KCNQ1: variants seen among roughly 807,000 people sequenced by gnomAD.
KCNQ1 encodes the protein potassium voltage-gated channel subfamily Q member 1.
A neutral mutation model predicts 72.4 loss-of-function variants in KCNQ1; 49 were observed. That is an observed-to-expected ratio of 0.68 (90% CI 0.54 to 0.86). The LOEUF is 0.86. KCNQ1 is among the 40% of genes least tolerant of loss of function. KCNQ1 has a pLI of 0.00. For missense variants in KCNQ1, 790 were observed against 945.1 expected, an observed-to-expected ratio of 0.84 and a Z score of 2.15; for synonymous variants, 450 against 412.6, an observed-to-expected ratio of 1.09 and a Z score of -1.10.
At position 2,617,866 on chromosome 11, in the gene KCNQ1, T is replaced by C. The variant is rs1295518131; in HGVS notation, c.1393+29012T>C. On this transcript the variant is annotated intron_variant, in intron 10 of 15. Coordinates refer to ENST00000155840, the MANE Select transcript of KCNQ1 (RefSeq NM_000218.3). The surrounding 1 kb of genome is among the most constrained non-coding windows in gnomAD (Gnocchi z 4.6). ...AATGTCTACTCAGTTCCACTGCCCA[T>C]TTTTTAATTGGGTTATCTATTTTCT... 2.5e-6 allele frequency: 1 copy of C among 398,476 alleles called. No individual in the cohort carries two copies. The highest frequency in any genetic ancestry group is 4.4e-6 in the Non-Finnish European group (1 of 226,042). The allele number at this position is 398,476 out of a possible 1,614,324, so 24.7% of individuals were successfully genotyped here.
In KCNQ1 at chr11:2,492,220, T is replaced by TA. The variant is rs1846847429; in HGVS notation, c.387-35708_387-35707insA. Among the ~76,000 whole-genome samples, 1 of 152,104 alleles carries TA rather than the reference T, an allele frequency of 6.6e-6. No individual in the cohort carries two copies. Among genetic ancestry groups the TA allele is most frequent in the South Asian group, 2.1e-4 (1 of 4,824 alleles). On this transcript the variant is annotated intron_variant, in intron 1 of 15. Transcript: ENST00000155840. The surrounding 1 kb of genome is among the most constrained non-coding windows in gnomAD (Gnocchi z 4.1). Reference sequence around the variant, plus strand: ...TTATGGTGTGTAAACTACTCATATATTAAGTAGAAGGATGAAAAGAAGAAC... The same window carrying TA: ...TTATGGTGTGTAAACTACTCATATATATAAGTAGAAGGATGAAAAGAAGAAC...
At chr11:2,449,143 C>G (rs1249049676) in intron 1 of KCNQ1, among the ~76,000 whole-genome samples, 1 of 152,212 alleles carries the variant, frequency 6.6e-6, no homozygotes, top group African/African-American at 2.4e-5. Flanking sequence ...CCTGGGCCTT[C>G]TGAGTCTGCG....
chr11:2,655,747 A>C, intron 10 of KCNQ1: 1 of 383,616 alleles, frequency 2.6e-6, no homozygotes, highest in Non-Finnish European at 4.6e-6. Context: ...AGGTGAAAAC[A>C]GGGAAGAGGT....
In KCNQ1 at chr11:2,775,870, C is replaced by T; in HGVS notation, c.1591-90C>T. ...CGAGCTCCCAGGTCTTCACAAGCCT[C>T]CCGAGGGCAGACACTGTCACTGCCT... On this transcript the variant is annotated intron_variant, in intron 12 of 15. Transcript: ENST00000155840. The T allele has an allele frequency of 3.8e-6, 5 of 1,304,390 alleles. No homozygotes were observed. In the South Asian group the frequency reaches 6.3e-5, roughly 16 times the overall value. The allele number at this position is 1,304,390 out of a possible 1,614,324, so 80.8% of individuals were successfully genotyped here.
rs370026950 is a variant in KCNQ1 at position 2,820,945 on chromosome 11, C to A, written c.1795-26822C>A. On this transcript the variant is annotated intron_variant, in intron 15 of 15. Transcript: ENST00000155840. ...CCCCACCTCCATTGCTGCTCACCCT[C>A]CCCTGGCCCGTGCTGGGCCTCGGCC... Among the ~76,000 whole-genome samples, 27 of 152,382 alleles carry A rather than the reference C, an allele frequency of 1.8e-4. No homozygotes were observed. In the East Asian group the frequency reaches 2.9e-3, roughly 16 times the overall value.
chr11:2,733,582 G>C (rs1845887683), intron 11 of KCNQ1, among the ~76,000 whole-genome samples: 1 of 152,036 alleles, frequency 6.6e-6, no homozygotes, highest in Admixed American at 6.5e-5. Context: ...GGTTGCTGCT[G>C]GCAGCTCCTA....
rs953337026 is a variant in KCNQ1 at position 2,685,115 on chromosome 11, G to C, written c.1514+23034G>C. On this transcript the variant is annotated intron_variant, in intron 11 of 15. Transcript: ENST00000155840. ...GGAAGGGGCCCTTTTGGCACGGGGGGTCTGATGGTCAGAGCTAATCAGGTG... is the reference window on the plus strand; with the variant it reads ...GGAAGGGGCCCTTTTGGCACGGGGGCTCTGATGGTCAGAGCTAATCAGGTG... 1.0e-5 allele frequency: 4 copies of C among 398,534 alleles called. No individual in the cohort carries two copies. In the Admixed American group the frequency reaches 1.8e-4, roughly 18 times the overall value. 24.7% of individuals were successfully genotyped at this position (398,534 alleles called of 1,614,324 possible). A position where few individuals can be genotyped will look rare whatever the true frequency, so the allele number is the denominator to read the frequency against.
intron 1 of KCNQ1, among the ~76,000 whole-genome samples, chr11:2,476,004 A>G (rs1846563707): frequency 6.6e-6 from 1 of 152,260 alleles, no homozygotes; most frequent in Admixed American, 6.5e-5. Flanking sequence ...ACTAATACTG[A>G]CAATAAATTA....
chr11:2,477,757 A>T lies in KCNQ1; in HGVS notation c.386+32273A>T, dbSNP rs1371404131. Among the ~76,000 whole-genome samples, 1 of 151,846 alleles carries T rather than the reference A, an allele frequency of 6.6e-6. No homozygotes were observed. The highest frequency in any genetic ancestry group is 2.4e-5 in the African/African-American group (1 of 41,312). On this transcript the variant is annotated intron_variant, in intron 1 of 15. Coordinates refer to ENST00000155840, the MANE Select transcript of KCNQ1 (RefSeq NM_000218.3). This position sits in a 1 kb window ranked among gnomAD's most constrained non-coding sequence, Gnocchi z 5.0. Reference sequence around the variant, plus strand: ...ATTAAAAAAAAAAAAAAGACCATACATACACACATGCACACACAACAGTGG... The same window carrying T: ...ATTAAAAAAAAAAAAAAGACCATACTTACACACATGCACACACAACAGTGG...
At chr11:2,622,965 A>G in intron 10 of KCNQ1, 2 of 398,598 alleles carry the variant, frequency 5.0e-6, no homozygotes, top group Non-Finnish European at 8.8e-6. Context: ...TAACATGTTG[A>G]TATGGTTTGG....
At chr11:2,792,621 C>T (rs1411726236) in intron 15 of KCNQ1, among the ~76,000 whole-genome samples, 2 of 151,784 alleles carry the variant, frequency 1.3e-5, no homozygotes, top group African/African-American at 4.8e-5. Flanking sequence ...GCGTTCTGGG[C>T]GGAGGGCACA....
rs190543636 is a variant in KCNQ1 at position 2,550,144 on chromosome 11, C to A, written c.478-20484C>A. ...GTTGTCTGTAGAGAACCAGAGCTGCCGAGCCCCGGCCTGGATGGACATCCC... is the reference window on the plus strand; with the variant it reads ...GTTGTCTGTAGAGAACCAGAGCTGCAGAGCCCCGGCCTGGATGGACATCCC... On this transcript the variant is annotated intron_variant, in intron 2 of 15. Coordinates refer to ENST00000155840, the MANE Select transcript of KCNQ1 (RefSeq NM_000218.3). The surrounding 1 kb of genome is among the most constrained non-coding windows in gnomAD (Gnocchi z 6.0). Among the ~76,000 whole-genome samples, 9 of 152,310 alleles carry A rather than the reference C, an allele frequency of 5.9e-5. No homozygotes were observed. The East Asian group carries it at 1.7e-3, about 29-fold the overall frequency.
chr11:2,679,590 C>G lies in KCNQ1; in HGVS notation c.1514+17509C>G. 1 of 398,602 alleles carries G rather than the reference C, an allele frequency of 2.5e-6. No individual in the cohort carries two copies. The allele number at this position is 398,602 out of a possible 1,614,324, so 24.7% of individuals were successfully genotyped here. ...ATGCAATTCACAGTGCCTGACAAAGCTGATGGGGAGGCGAGTTGGAATGAA... is the reference window on the plus strand; with the variant it reads ...ATGCAATTCACAGTGCCTGACAAAGGTGATGGGGAGGCGAGTTGGAATGAA... On this transcript the variant is annotated intron_variant, in intron 11 of 15. Transcript: ENST00000155840. This position sits in a 1 kb window ranked among gnomAD's most constrained non-coding sequence, Gnocchi z 4.8.
chr11:2,707,156 AG>A (rs1850924831), intron 11 of KCNQ1, among the ~76,000 whole-genome samples: 1 of 152,002 alleles, frequency 6.6e-6, no homozygotes, highest in Admixed American at 6.6e-5. Context: ...GCCACAGAGA[AG>A]GGGGAGCAGG....
chr11:2,639,440 C>G (rs1475400690), intron 10 of KCNQ1: 1 of 152,248 alleles, frequency 6.6e-6, no homozygotes, highest in Non-Finnish European at 1.5e-5. Flanking sequence ...AGTCAGGACC[C>G]TCAGCTGCAG....
rs1849176437 is a variant in KCNQ1, at chr11:2,621,779, T to G, written c.1393+32925T>G. The G allele has an allele frequency of 2.5e-6, 1 of 398,396 alleles. No individual in the cohort carries two copies. The highest frequency in any genetic ancestry group is 3.6e-5 in the East Asian group (1 of 27,998). 24.7% of individuals were successfully genotyped at this position (398,396 alleles called of 1,614,324 possible). A position where few individuals can be genotyped will look rare whatever the true frequency, so the allele number is the denominator to read the frequency against. ...TGTCCTCTTTCTTAGTCCAAGAGTTTGTTGATTTTATTTTTCAAAAATCAA... is the reference window on the plus strand; with the variant it reads ...TGTCCTCTTTCTTAGTCCAAGAGTTGGTTGATTTTATTTTTCAAAAATCAA... On this transcript the variant is annotated intron_variant, in intron 10 of 15. Coordinates refer to ENST00000155840, the MANE Select transcript of KCNQ1 (RefSeq NM_000218.3). The surrounding 1 kb of genome is among the most constrained non-coding windows in gnomAD (Gnocchi z 5.7).
At chr11:2,633,920 C>G in intron 10 of KCNQ1, 3 of 398,544 alleles carry the variant, frequency 7.5e-6, no homozygotes, top group Non-Finnish European at 1.3e-5. Flanking sequence ...TGCATTCTAT[C>G]CTTGTTAGAT....
In KCNQ1 at chr11:2,715,800, C is replaced by T. The variant is rs547080949; in HGVS notation, c.1515-53044C>T. On this transcript the variant is annotated intron_variant, in intron 11 of 15. Transcript: ENST00000155840. This position sits in a 1 kb window ranked among gnomAD's most constrained non-coding sequence, Gnocchi z 4.9. Reference sequence around the variant, plus strand: ...GGGTTGACCAGCTGGAGCAGCCCCGCATCCCACATCCCCGCAGCCTTGCGC... The same window carrying T: ...GGGTTGACCAGCTGGAGCAGCCCCGTATCCCACATCCCCGCAGCCTTGCGC... Among the ~76,000 whole-genome samples the T allele has an allele frequency of 3.3e-5, 5 of 152,364 alleles. No individual in the cohort carries two copies. In the East Asian group the frequency reaches 9.7e-4, roughly 29 times the overall value.
intron 15 of KCNQ1, among the ~76,000 whole-genome samples, chr11:2,821,049 C>G (rs1372468063): frequency 6.6e-6 from 1 of 152,236 alleles, no homozygotes; most frequent in African/African-American, 2.4e-5. Context: ...CTGAACCTCC[C>G]TCTAAGGACA....
Sources: allele counts gnomAD v4.1 joint callset (sites outside exome capture counted in the v4.1 genomes callset), GRCh38; gene constraint gnomAD v4.1.1; non-coding constraint Gnocchi (gnomAD v3.1); transcripts MANE v1.5; gene names NCBI Gene and HGNC (gene_info 2026-07-23, HGNC 2026-07-21).